Variants in ANKS1B observed in about 807,000 individuals in gnomAD.
ANKS1B encodes ankyrin repeat and sterile alpha motif domain containing 1B.
A neutral mutation model predicts 148.3 loss-of-function variants in ANKS1B; 36 were observed. The observed-to-expected ratio is 0.24, with a 90% CI of 0.19 to 0.32. The LOEUF is 0.32. ANKS1B is among the 10% of genes least tolerant of loss of function. The pLI, the probability that ANKS1B is intolerant of heterozygous loss-of-function variation, is 1.00. For synonymous variants in ANKS1B, 542 were observed against 560.8 expected (o/e 0.97, Z 0.47); for missense variants, 1,157 against 1,542.6 (o/e 0.75, Z 4.19).
intron 17 of ANKS1B, among the ~76,000 whole-genome samples, chr12:98,912,183 T>C (rs2099787720): frequency 6.6e-6 from 1 of 152,060 alleles, no homozygotes; most frequent in South Asian, 2.1e-4. Context: ...AAAGGCAGAG[T>C]TGTTAAGAAA....
intron 10 of ANKS1B, among the ~76,000 whole-genome samples, chr12:99,482,153 C>T (rs953798530): frequency 2.6e-5 from 4 of 151,030 alleles, no homozygotes. Context: ...AGAATTTTTA[C>T]AGTTTCATGT....
chr12:98,850,974 A>G lies in ANKS1B; in HGVS notation c.2779-18838T>C, dbSNP rs187026464. On this transcript the variant is annotated intron_variant, in intron 17 of 26. Transcript: ENST00000683438. ...ACACTAAAGGAAGAGGGCTTATTAA[A>G]GAACCGCAGCATGTTTTGTAAAAGT... 1.9e-3 allele frequency among the ~76,000 whole-genome samples: 282 copies of G among 152,324 alleles called. 2 individuals carry two copies. Among genetic ancestry groups the G allele is most frequent in the African/African-American group, 6.6e-3 (273 of 41,560 alleles).
chr12:98,992,615 G>A (rs1041305598), intron 17 of ANKS1B, among the ~76,000 whole-genome samples: 4 of 152,198 alleles, frequency 2.6e-5, no homozygotes. Flanking sequence ...ATGCAGAACT[G>A]TGAGTCAATT....
intron 12 of ANKS1B, among the ~76,000 whole-genome samples, chr12:99,251,843 T>C (rs79212189): frequency 0.024 from 3,712 of 152,278 alleles, 72 homozygotes; most frequent in Middle Eastern, 0.058. Flanking sequence ...CCGGGGCTGA[T>C]GTTGATATTA....
intron 7 of ANKS1B, among the ~76,000 whole-genome samples, chr12:99,774,744 CAGAT>C (rs1225776083): frequency 2.0e-5 from 3 of 152,114 alleles, no homozygotes; most frequent in East Asian, 3.9e-4. Flanking sequence ...TATACACTGT[CAGAT>C]GGATGGATAA....
intron 15 of ANKS1B, among the ~76,000 whole-genome samples, chr12:99,149,918 G>A (rs1251512293): frequency 6.6e-6 from 1 of 152,164 alleles, no homozygotes; most frequent in Admixed American, 6.6e-5. Flanking sequence ...TGTAGTGTGT[G>A]TGCACCCATG....
chr12:98,828,638 C>T (rs1483290700), intron 19 of ANKS1B, among the ~76,000 whole-genome samples: 4 of 152,204 alleles, frequency 2.6e-5, no homozygotes, highest in African/African-American at 9.7e-5. Context: ...ATGGAAAGGT[C>T]TGAACGTGAC....
intron 12 of ANKS1B, among the ~76,000 whole-genome samples, chr12:99,282,774 G>GT (rs1322234421): frequency 1.3e-5 from 2 of 152,178 alleles, no homozygotes; most frequent in African/African-American, 4.8e-5. Context: ...CAAGGAAGAG[G>GT]TTTTATGGCT....
At chr12:99,027,338 C>T (rs191969962) in intron 17 of ANKS1B, among the ~76,000 whole-genome samples, 1 of 152,250 alleles carries the variant, frequency 6.6e-6, no homozygotes, top group African/African-American at 2.4e-5. Context: ...AACATCTTGA[C>T]CAGAAACATA....
chr12:99,695,778 A>G (rs2053808432), intron 8 of ANKS1B, among the ~76,000 whole-genome samples: 1 of 152,216 alleles, frequency 6.6e-6, no homozygotes, highest in African/African-American at 2.4e-5. Flanking sequence ...TAATGCATGC[A>G]GGGCTTAATA....
chr12:99,733,417 A>T (rs1170027672), intron 8 of ANKS1B, among the ~76,000 whole-genome samples: 2 of 152,224 alleles, frequency 1.3e-5, no homozygotes, highest in African/African-American at 4.8e-5. Flanking sequence ...GCTTGCCATG[A>T]TACGACAATA....
intron 4 of ANKS1B, among the ~76,000 whole-genome samples, chr12:99,789,606 G>T (rs1602189988): frequency 6.6e-6 from 1 of 152,172 alleles, no homozygotes; most frequent in African/African-American, 2.4e-5. Context: ...TTAACAAAGA[G>T]ATTGAAATAA....
intron 17 of ANKS1B, among the ~76,000 whole-genome samples, chr12:99,015,519 A>G (rs973721717): frequency 3.9e-5 from 6 of 152,204 alleles, no homozygotes; most frequent in Admixed American, 2.0e-4. Flanking sequence ...GTAAAATAAA[A>G]TAAAATAAAA....
In ANKS1B at chr12:99,144,314, C is replaced by T. The variant is rs934925467; in HGVS notation, c.2526+9975G>A. Reference sequence around the variant, plus strand: ...AAAGAGTGTAGGGCTAGAAAGGTGACAAGTTCCTGGTTCTGGTGTTGCCAG... The same window carrying T: ...AAAGAGTGTAGGGCTAGAAAGGTGATAAGTTCCTGGTTCTGGTGTTGCCAG... On this transcript the variant is annotated intron_variant, in intron 15 of 26. Coordinates refer to ENST00000683438, the MANE Select transcript of ANKS1B (RefSeq NM_001352186.2). 9.9e-5 allele frequency among the ~76,000 whole-genome samples: 15 copies of T among 151,760 alleles called. 1 individual carries two copies. Among genetic ancestry groups the T allele is most frequent in the African/African-American group, 3.6e-4 (15 of 41,338 alleles).
At chr12:99,415,504 T>C (rs958199836) in intron 11 of ANKS1B, among the ~76,000 whole-genome samples, 3 of 152,238 alleles carry the variant, frequency 2.0e-5, no homozygotes, top group African/African-American at 7.2e-5. Context: ...AATAGCTTAA[T>C]TTTTTAATTA....
chr12:99,515,660 A>T (rs11109887), intron 9 of ANKS1B, among the ~76,000 whole-genome samples: 2,405 of 151,920 alleles, frequency 0.016, 75 homozygotes, highest in African/African-American at 0.055. Context: ...TCTTCCATAT[A>T]GTGTTTTCCT....
intron 1 of ANKS1B, among the ~76,000 whole-genome samples, chr12:99,873,636 A>G (rs556967429): frequency 2.0e-5 from 3 of 152,158 alleles, no homozygotes. Flanking sequence ...CTCTTTCATC[A>G]TCAGTATATT....
chr12:98,764,468 T>C (rs1304694933), intron 25 of ANKS1B, among the ~76,000 whole-genome samples: 3 of 152,240 alleles, frequency 2.0e-5, no homozygotes, highest in East Asian at 3.9e-4. Context: ...CCTCAAGTGA[T>C]CCGCCCGCCT....
chr12:99,625,772 AG>A (rs1220907334), intron 9 of ANKS1B, among the ~76,000 whole-genome samples: 3 of 152,124 alleles, frequency 2.0e-5, no homozygotes, highest in African/African-American at 4.8e-5. Context: ...TTCACAGGAG[AG>A]GATGAGAATA....
Sources: allele counts gnomAD v4.1 joint callset (sites outside exome capture counted in the v4.1 genomes callset), GRCh38; gene constraint gnomAD v4.1.1; transcripts MANE v1.5; gene names NCBI Gene and HGNC (gene_info 2026-07-23, HGNC 2026-07-21).